The following PHKA2 variants were observed in gnomAD, a reference collection of about 807,000 sequenced individuals.
The protein encoded by PHKA2 is phosphorylase b kinase regulatory subunit alpha, liver isoform.
Under a neutral mutation model 102.0 loss-of-function variants are expected in PHKA2, and 31 were observed. The ratio of observed to expected loss-of-function variants is 0.30; its 90% CI spans 0.23 to 0.41. PHKA2 has a LOEUF of 0.41. Ranked by LOEUF, PHKA2 falls within the 10% of genes least tolerant of loss-of-function variation. The pLI, the probability that PHKA2 is intolerant of heterozygous loss-of-function variation, is 1.00. For synonymous variants in PHKA2, 455 were observed against 416.2 expected, an observed-to-expected ratio of 1.09 and a Z score of -1.13; for missense variants, 858 against 1,023.1, an observed-to-expected ratio of 0.84 and a Z score of 2.20.
intron 19 of PHKA2, among the ~76,000 whole-genome samples, chrX:18,912,710 C>A (rs186536236): frequency 9.1e-6 from 1 of 109,822 alleles, no homozygotes; most frequent in Admixed American, 9.7e-5. Flanking sequence ...GTCGGGAGTT[C>A]AAGATCAGCC....
intron 17 of PHKA2, among the ~76,000 whole-genome samples, chrX:18,920,884 G>T (rs923722698): frequency 2.7e-5 from 3 of 112,397 alleles, no homozygotes; most frequent in Non-Finnish European, 5.6e-5. Flanking sequence ...TTACACCGGG[G>T]GAGCAGAAAG....
rs145952475 is a variant in PHKA2, at chrX:18,895,185, C to G, written c.3289G>C (p.Gly1097Arg). ...AGGACATAACCATCGATGGAGAGAC[C>G]GTGGCACTGGAGGCAGAATAGAGCG... is the stretch of plus-strand genomic sequence containing the variant. The part of the protein sequence containing the change: ...RVWKILQKCH[G>R]LSIDGYVLPS... Residue 1097 changes from glycine (G) to arginine (R), a missense_variant, in exon 31 of 33, where the codon GGT becomes CGT. Gly to Arg is a moderately radical substitution (Grantham distance 125). Coordinates refer to ENST00000379942, the MANE Select transcript of PHKA2 (RefSeq NM_000292.3). 2 of 1,208,744 alleles carry G rather than the reference C, an allele frequency of 1.7e-6. No individual in the cohort carries two copies. Among genetic ancestry groups the G allele is most frequent in the Non-Finnish European group, 2.2e-6 (2 of 894,085 alleles).
chrX:18,911,605 G>A (rs890019587), intron 19 of PHKA2, among the ~76,000 whole-genome samples: 5 of 111,907 alleles, frequency 4.5e-5, no homozygotes, highest in South Asian at 3.7e-4. Context: ...CACCGTTCCC[G>A]GCCAATACTT....
intron 13 of PHKA2, among the ~76,000 whole-genome samples, chrX:18,927,311 C>A (rs945209007): frequency 1.8e-5 from 2 of 112,344 alleles, no homozygotes; most frequent in African/African-American, 6.5e-5. Context: ...CCGGGGACAA[C>A]CCGGGATCGG....
chrX:18,935,942 G>C, intron 11 of PHKA2, 113 bp downstream of exon 11: 1 of 564,950 alleles, frequency 1.8e-6, no homozygotes, highest in Non-Finnish European at 3.1e-6. Context: ...AACCATGTTT[G>C]GAGAAAAAGT....
intron 11 of PHKA2, among the ~76,000 whole-genome samples, chrX:18,933,123 A>G (rs2048342310): frequency 9.0e-6 from 1 of 110,825 alleles, no homozygotes; most frequent in South Asian, 3.8e-4. Context: ...CAAAAAAAAA[A>G]AAAAGACTGC....
chrX:18,967,256 G>A (rs1005082406), intron 1 of PHKA2, among the ~76,000 whole-genome samples: 1 of 111,298 alleles, frequency 9.0e-6, no homozygotes, highest in Non-Finnish European at 1.9e-5. Flanking sequence ...GGACCCCACT[G>A]GTGGCGAGTG....
chrX:18,925,595 T>G (rs1426339233), intron 15 of PHKA2, 73 bp downstream of exon 15: 1 of 602,411 alleles, frequency 1.7e-6, no homozygotes, highest in African/African-American at 2.2e-5. Flanking sequence ...TTCTGTCATA[T>G]TCACAGGAGA....
At position 18,905,795 on chromosome X, in the gene PHKA2, A is replaced by C. The variant is rs1569296805; in HGVS notation, c.2871T>G (p.His957Gln). The C allele has an allele frequency of 1.7e-6, 2 of 1,207,741 alleles. No homozygotes were observed. Among genetic ancestry groups the C allele is most frequent in the East Asian group, 5.9e-5 (2 of 33,836 alleles). The change falls in exon 26 of 33, where the codon CAT becomes CAG. Residue 957 changes from histidine (H) to glutamine (Q), a missense_variant. Around this residue, in one of 2 missense-constraint regions of PHKA2, gnomAD observed 671 missense variants for 745.2 expected, o/e 0.90. Coordinates refer to ENST00000379942, the MANE Select transcript of PHKA2 (RefSeq NM_000292.3). ...CGCCAAACTCTTTCCCACTTAGAAT[A>C]TGGTGCAGGAGATTTTTCATATCGA... ...SPFDMKNLLH[H>Q]ILSGKEFGVE...
At position 18,925,981 on chromosome X, in the gene PHKA2, A is replaced by G. The variant is rs191252331; in HGVS notation, c.1460-204T>C. Among the ~76,000 whole-genome samples, 4 of 111,811 alleles carry G rather than the reference A, an allele frequency of 3.6e-5. No homozygotes were observed. The East Asian group carries it at 1.1e-3, about 31-fold the overall frequency. On this transcript the variant is annotated intron_variant, in intron 14 of 32. Coordinates refer to ENST00000379942, the MANE Select transcript of PHKA2 (RefSeq NM_000292.3). ...CCCCTTCTTTTCATGAATGTATATG[A>G]ACAGTACCCAGTTGGAACTGCATGG...
At chrX:18,943,036 T>A (rs2048518435) in intron 7 of PHKA2, among the ~76,000 whole-genome samples, 1 of 110,899 alleles carries the variant, frequency 9.0e-6, no homozygotes, top group Non-Finnish European at 1.9e-5. Flanking sequence ...AGGGTTTCTC[T>A]GCCTGGAAAC....
intron 3 of PHKA2, among the ~76,000 whole-genome samples, chrX:18,952,039 G>C (rs1338486505): frequency 9.1e-6 from 1 of 109,496 alleles, no homozygotes; most frequent in East Asian, 2.8e-4. Context: ...TAAAGTTACT[G>C]AAAATAATTT....
chrX:18,939,735 C>T (rs778016687), intron 9 of PHKA2, among the ~76,000 whole-genome samples: 6 of 111,768 alleles, frequency 5.4e-5, no homozygotes, highest in East Asian at 2.8e-4. Flanking sequence ...CCTCGTGATC[C>T]GCCCACCTTG....
chrX:18,957,952 C>T (rs1010172716), intron 1 of PHKA2, among the ~76,000 whole-genome samples: 1 of 109,236 alleles, frequency 9.2e-6, no homozygotes, highest in Admixed American at 9.8e-5. Context: ...CTCTGCCTCC[C>T]GGGTTCAAGC....
At position 18,903,440 on chromosome X, in the gene PHKA2, C is replaced by T. The variant is rs568307387; in HGVS notation, c.2909-1837G>A. On this transcript the variant is annotated intron_variant, in intron 26 of 32. Coordinates refer to ENST00000379942, the MANE Select transcript of PHKA2 (RefSeq NM_000292.3). ...CTGTGGGCCCGAGGGGCTGGCACCCCGGGCAGCTGTGGCCGTGGGCTGGAT... is the reference window on the plus strand; with the variant it reads ...CTGTGGGCCCGAGGGGCTGGCACCCTGGGCAGCTGTGGCCGTGGGCTGGAT... Among the ~76,000 whole-genome samples the T allele has an allele frequency of 9.8e-5, 11 of 112,556 alleles. No individual in the cohort carries two copies. In the South Asian group the frequency reaches 4.0e-3, roughly 41 times the overall value.
chrX:18,943,058 C>A (rs779027346), intron 7 of PHKA2, among the ~76,000 whole-genome samples: 3 of 111,019 alleles, frequency 2.7e-5, no homozygotes, highest in Non-Finnish European at 3.8e-5. Context: ...CAAACTTCTA[C>A]CAAAGCTCTC....
At chrX:18,910,573 G>A (rs1303183877) in intron 20 of PHKA2, among the ~76,000 whole-genome samples, 1 of 112,347 alleles carries the variant, frequency 8.9e-6, no homozygotes, top group African/African-American at 3.2e-5. Context: ...GGGTTAGGTA[G>A]TGAGCTTTTT....
At chrX:18,978,316 T>C (rs772232041) in intron 1 of PHKA2, among the ~76,000 whole-genome samples, 1 of 112,098 alleles carries the variant, frequency 8.9e-6, no homozygotes, top group Admixed American at 9.5e-5. Flanking sequence ...TTGTACTTTA[T>C]ATTTACCACA....
intron 19 of PHKA2, among the ~76,000 whole-genome samples, chrX:18,916,244 G>A (rs2048018381): frequency 8.9e-6 from 1 of 111,744 alleles, no homozygotes; most frequent in Middle Eastern, 4.6e-3. Flanking sequence ...GTGAAACCCT[G>A]TCTCTACTAA....
Sources: gnomAD v4.1 joint callset for allele counts (sites outside exome capture counted in the v4.1 genomes callset) on GRCh38, gnomAD v4.1.1 for gene constraint, gnomAD v4.1.1 regional missense constraint, MANE v1.5 for transcripts, NCBI Gene and HGNC (gene_info 2026-07-23, HGNC 2026-07-21) for gene names.